Variants in ZC3H3 observed in about 807,000 individuals in gnomAD.
The protein encoded by ZC3H3 is zinc finger CCCH-type containing 3, also known as zinc finger CCCH domain-containing protein 3.
ZC3H3 carries 36 observed loss-of-function variants against 77.3 expected under a neutral mutation model. That is an observed-to-expected ratio of 0.47 (90% CI 0.36 to 0.61). The LOEUF is 0.61. ZC3H3 is among the 20% of genes least tolerant of loss of function. The pLI is 0.00. For synonymous variants in ZC3H3, 626 were observed against 555.2 expected, an observed-to-expected ratio of 1.13 and a Z score of -1.79; for missense variants, 1,331 against 1,312.2, an observed-to-expected ratio of 1.01 and a Z score of -0.22.
intron 1 of ZC3H3, 133 bp from the exon 2 acceptor site, chr8:143,539,453 G>A: frequency 1.0e-6 from 1 of 978,720 alleles, no homozygotes; most frequent in Non-Finnish European, 1.5e-6. Flanking sequence ...GTTTCAGGAG[G>A]GGCAGCCCCC....
chr8:143,455,367 G>A lies in ZC3H3; in HGVS notation c.2307+10350C>T, dbSNP rs192247425. 9.3e-3 allele frequency among the ~76,000 whole-genome samples: 1,414 copies of A among 151,510 alleles called. 25 individuals carry two copies. The highest frequency in any genetic ancestry group is 0.032 in the African/African-American group (1,323 of 41,300). On this transcript the variant is annotated intron_variant, in intron 9 of 11. Coordinates refer to ENST00000262577, the MANE Select transcript of ZC3H3 (RefSeq NM_015117.3). ...AAAAATTAGCCAGGCGTGGTGGCGC[G>A]TGTCTGTAATCCCAGCTACTTGGGA...
At chr8:143,458,219 T>C (rs956808291) in intron 9 of ZC3H3, among the ~76,000 whole-genome samples, 2 of 152,218 alleles carry the variant, frequency 1.3e-5, no homozygotes, top group Non-Finnish European at 2.9e-5. Context: ...ACACATAAAA[T>C]TGACCACTTA....
chr8:143,536,555 G>A (rs1272026441), intron 2 of ZC3H3, 102 bp from the exon 3 acceptor site: 2 of 1,254,766 alleles, frequency 1.6e-6, no homozygotes, highest in African/African-American at 1.5e-5. Context: ...GCTCCTGAAG[G>A]CCAGGACCAG....
At chr8:143,438,341 T>C (rs1797163846) in intron 11 of ZC3H3, among the ~76,000 whole-genome samples, 1 of 151,988 alleles carries the variant, frequency 6.6e-6, no homozygotes, top group South Asian at 2.1e-4. Flanking sequence ...GCTCAGTCTA[T>C]GAGGTCAACT....
intron 4 of ZC3H3, among the ~76,000 whole-genome samples, chr8:143,485,337 G>A (rs1274840560): frequency 6.6e-6 from 1 of 152,240 alleles, no homozygotes; most frequent in East Asian, 1.9e-4. Flanking sequence ...AGGTGGTCTG[G>A]AAGAGTAAGC....
intron 9 of ZC3H3, among the ~76,000 whole-genome samples, chr8:143,464,806 G>A (rs1319304119): frequency 1.3e-5 from 2 of 152,150 alleles, no homozygotes; most frequent in Non-Finnish European, 2.9e-5. Flanking sequence ...AGCATCTCCA[G>A]GTCCCCCAGC....
intron 4 of ZC3H3, among the ~76,000 whole-genome samples, chr8:143,477,695 G>A (rs1409082010): frequency 1.3e-5 from 2 of 152,190 alleles, no homozygotes; most frequent in African/African-American, 2.4e-5. Context: ...CAGGAGCTAC[G>A]GCCACTACCT....
rs1277113732 is a variant in ZC3H3, at chr8:143,493,889, G to A, written c.1715+13857C>T. Reference sequence around the variant, plus strand: ...GAATCAATATTTACTGCATTGAAACGAAATGAATAGTAATAAGTCACTAAG... The same window carrying A: ...GAATCAATATTTACTGCATTGAAACAAAATGAATAGTAATAAGTCACTAAG... On this transcript the variant is annotated intron_variant, in intron 4 of 11. Transcript: ENST00000262577. The surrounding 1 kb of genome is among the most constrained non-coding windows in gnomAD (Gnocchi z 4.8). Among the ~76,000 whole-genome samples the A allele has an allele frequency of 6.6e-6, 1 of 152,142 alleles. No homozygotes were observed. Among genetic ancestry groups the A allele is most frequent in the African/African-American group, 2.4e-5 (1 of 41,436 alleles).
intron 4 of ZC3H3, among the ~76,000 whole-genome samples, chr8:143,500,816 C>CAA (rs1563863267): frequency 1.8e-5 from 1 of 56,872 alleles, no homozygotes; most frequent in Non-Finnish European, 3.1e-5. Flanking sequence ...GTCACAATGT[C>CAA]TATTTTTTTT....
At position 143,440,318 on chromosome 8, in the gene ZC3H3, C is replaced by T. The variant is rs776819566; in HGVS notation, c.2538G>A (p.Ser846=). ...SQRPTRQTPS[S]AALTAAAVAA... ...CCACGGCAGCCGCAGTGAGGGCAGCCGAGCTGGGCGTCTGCCTGGTGGGGC... is the reference window on the plus strand; with the variant it reads ...CCACGGCAGCCGCAGTGAGGGCAGCTGAGCTGGGCGTCTGCCTGGTGGGGC... Residue 846 remains serine, a synonymous_variant, in exon 11 of 12, where the codon TCG becomes TCA. Coordinates refer to ENST00000262577, the MANE Select transcript of ZC3H3 (RefSeq NM_015117.3). 6.8e-5 allele frequency: 105 copies of T among 1,548,844 alleles called. No homozygotes were observed. The East Asian group carries it at 2.3e-3, about 33-fold the overall frequency.
rs898397942 is a variant in ZC3H3, at chr8:143,530,918, C to G, written c.1561+5339G>C. On this transcript the variant is annotated intron_variant, in intron 3 of 11. Transcript: ENST00000262577. This position sits in a 1 kb window ranked among gnomAD's most constrained non-coding sequence, Gnocchi z 4.3. ...CTACTGCAGCCTCCAGCAAACATTA[C>G]TCGCCCAGGCCACCCTTCTGGGGCT... Among the ~76,000 whole-genome samples the G allele has an allele frequency of 6.6e-6, 1 of 151,700 alleles. No individual in the cohort carries two copies. Among genetic ancestry groups the G allele is most frequent in the African/African-American group, 2.4e-5 (1 of 41,232 alleles).
At chr8:143,477,313 G>A (rs905657302) in intron 4 of ZC3H3, among the ~76,000 whole-genome samples, 7 of 152,206 alleles carry the variant, frequency 4.6e-5, no homozygotes, top group East Asian at 3.9e-4. Flanking sequence ...CAATCTTGGC[G>A]GGAAAGAGCC....
chr8:143,515,960 T>C (rs576320550), intron 3 of ZC3H3, among the ~76,000 whole-genome samples: 330 of 152,306 alleles, frequency 2.2e-3, no homozygotes, highest in African/African-American at 7.1e-3. Flanking sequence ...CACCCTAGCA[T>C]CTAGCCAGCC....
chr8:143,508,455 T>C (rs534089511), intron 3 of ZC3H3, among the ~76,000 whole-genome samples: 12 of 152,350 alleles, frequency 7.9e-5, no homozygotes, highest in African/African-American at 2.9e-4. Flanking sequence ...ACTGTTTTCA[T>C]AACATTTTGC....
intron 4 of ZC3H3, among the ~76,000 whole-genome samples, chr8:143,503,750 G>A (rs137883896): frequency 0.018 from 2,553 of 138,850 alleles, 75 homozygotes; most frequent in African/African-American, 0.066. Flanking sequence ...GCCATCCCCC[G>A]ACCACCTCCT....
intron 3 of ZC3H3, among the ~76,000 whole-genome samples, chr8:143,528,698 G>T (rs1256630442): frequency 6.6e-6 from 1 of 152,202 alleles, no homozygotes; most frequent in African/African-American, 2.4e-5. Context: ...TCCTCCTGGT[G>T]GGCAGCCCTC....
chr8:143,442,501 C>T (rs1376830764), intron 9 of ZC3H3, among the ~76,000 whole-genome samples: 1 of 151,784 alleles, frequency 6.6e-6, no homozygotes, highest in East Asian at 2.0e-4. Flanking sequence ...CACAGGCATC[C>T]CACGCGGTAC....
rs539928786 is a variant in ZC3H3, at chr8:143,460,249, A to AAAATAAAT, written c.2307+5460_2307+5467dup. 0.047 allele frequency among the ~76,000 whole-genome samples: 6,819 copies of AAAATAAAT among 144,154 alleles called. 202 individuals are homozygous for AAAATAAAT. Among genetic ancestry groups the AAAATAAAT allele is most frequent in the African/African-American group, 0.067 (2,660 of 39,662 alleles). The allele number at this position is 144,154 out of a possible 152,430, so 94.6% of individuals were successfully genotyped here. A position where few individuals can be genotyped will look rare whatever the true frequency, so the allele number is the denominator to read the frequency against. Reference sequence around the variant, plus strand: ...GGCGACAGAGTGAGACTATGTCTCAAAAATAAATAAATAAATAAATAAATA... The same window carrying AAAATAAAT: ...GGCGACAGAGTGAGACTATGTCTCAAAAATAAATAAATAAATAAATAAATAAATAAATA... On this transcript the variant is annotated intron_variant, in intron 9 of 11. Coordinates refer to ENST00000262577, the MANE Select transcript of ZC3H3 (RefSeq NM_015117.3). This position sits in a 1 kb window ranked among gnomAD's most constrained non-coding sequence, Gnocchi z 4.0.
intron 4 of ZC3H3, among the ~76,000 whole-genome samples, chr8:143,486,182 A>C (rs57247968): frequency 1.3e-5 from 2 of 152,378 alleles, no homozygotes; most frequent in South Asian, 4.1e-4. Context: ...TGGCGTATCC[A>C]TATCACAGAA....
Sources: allele counts gnomAD v4.1 joint callset (sites outside exome capture counted in the v4.1 genomes callset), GRCh38; gene constraint gnomAD v4.1.1; non-coding constraint Gnocchi (gnomAD v3.1); transcripts MANE v1.5; gene names NCBI Gene and HGNC (gene_info 2026-07-23, HGNC 2026-07-21).